Variants in DEAF1 observed in about 807,000 individuals in gnomAD.
The protein encoded by DEAF1 is deformed epidermal autoregulatory factor 1 homolog.
A neutral mutation model predicts 58.9 loss-of-function variants in DEAF1; 53 were observed. The observed-to-expected ratio is 0.90, with a 90% CI of 0.72 to 1.13. The LOEUF (loss-of-function observed/expected upper bound fraction) is 1.13, where lower values mean the gene tolerates loss of function less well. DEAF1 is among the 50% of genes most tolerant of loss of function. DEAF1 has a pLI of 0.00. For missense variants in DEAF1, 685 were observed against 791.4 expected (o/e 0.87, Z 1.61); for synonymous variants, 385 against 340.4 (o/e 1.13, Z -1.44).
At chr11:669,597 T>C (rs1032556288) in intron 10 of DEAF1, among the ~76,000 whole-genome samples, 7 of 148,738 alleles carry the variant, frequency 4.7e-5, no homozygotes, top group South Asian at 2.1e-4. Context: ...GATTGTGCCA[T>C]TGGATTCCAG....
At chr11:679,273 C>A (rs1326341261) in intron 8 of DEAF1, among the ~76,000 whole-genome samples, 3 of 151,538 alleles carry the variant, frequency 2.0e-5, no homozygotes, top group Non-Finnish European at 4.4e-5. Context: ...CGAGATCATG[C>A]CACTGCCCTC....
chr11:670,992 G>A (rs1859799985), intron 10 of DEAF1, among the ~76,000 whole-genome samples: 1 of 139,188 alleles, frequency 7.2e-6, no homozygotes, highest in African/African-American at 2.7e-5. Context: ...GCAGTGGCGC[G>A]ATCTCGGCTC....
rs1412962740 is a variant in DEAF1, at chr11:677,632, C to CATG, written c.1255+1059_1255+1061dup. Among the ~76,000 whole-genome samples, 2 of 106,452 alleles carry CATG rather than the reference C, an allele frequency of 1.9e-5. 1 individual carries two copies. The highest frequency in any genetic ancestry group is 4.4e-5 in the Non-Finnish European group (2 of 45,604). The allele number at this position is 106,452 out of a possible 152,430, so 69.8% of individuals were successfully genotyped here. The stretch of plus-strand genomic sequence containing the variant: ...ACCAGCAGGGGAGGGTTCAATCAAT[C>CATG]ATGTATTGATCATATGCACCCTTTA... On this transcript the variant is annotated intron_variant, in intron 9 of 11. Coordinates refer to ENST00000382409, the MANE Select transcript of DEAF1 (RefSeq NM_021008.4).
Position 688,804 on chromosome 11 carries a change from C to G in DEAF1, c.388-344G>C, listed in dbSNP as rs7123677. ...TCTTCATGCAGAGTTTCCAACAGACCGAGTTGGCCGCCACAGACAAGGCCT... is the reference window on the plus strand; with the variant it reads ...TCTTCATGCAGAGTTTCCAACAGACGGAGTTGGCCGCCACAGACAAGGCCT... On this transcript the variant is annotated intron_variant, in intron 2 of 11. Coordinates refer to ENST00000382409, the MANE Select transcript of DEAF1 (RefSeq NM_021008.4). The surrounding 1 kb of genome is among the most constrained non-coding windows in gnomAD (Gnocchi z 4.3). Among the ~76,000 whole-genome samples the G allele has an allele frequency of 3.9e-5, 6 of 152,050 alleles. No individual in the cohort carries two copies. The highest frequency in any genetic ancestry group is 5.9e-5 in the Non-Finnish European group (4 of 68,020).
intron 4 of DEAF1, 99 bp downstream of exon 4, chr11:687,812 T>C (rs2133405933): frequency 6.5e-7 from 1 of 1,534,264 alleles, no homozygotes; most frequent in South Asian, 1.1e-5. Flanking sequence ...TCTTAACTAG[T>C]TCTAGGTGCC....
At chr11:655,087 A>G (rs1392771687) in intron 10 of DEAF1, among the ~76,000 whole-genome samples, 2 of 149,538 alleles carry the variant, frequency 1.3e-5, no homozygotes, top group African/African-American at 5.1e-5. Flanking sequence ...ACAAAGGGAA[A>G]TCAGCATGGA....
upstream of DEAF1, among the ~76,000 whole-genome samples, chr11:696,629 G>A (rs971285252): frequency 1.8e-5 from 1 of 54,836 alleles, no homozygotes; most frequent in Admixed American, 2.2e-4. Context: ...TCAGCCAGGC[G>A]GTGGCGCACC....
chr11:656,659 A>G (rs1859068996), intron 10 of DEAF1, among the ~76,000 whole-genome samples: 1 of 152,158 alleles, frequency 6.6e-6, no homozygotes, highest in Non-Finnish European at 1.5e-5. Context: ...AGCGGCCCCC[A>G]CGCTGAGAAG....
rs908349407 is a variant in DEAF1 at position 678,739 on chromosome 11, C to A, written c.1210G>T (p.Ala404Ser). Residue 404 changes from alanine to serine, a missense_variant, in exon 9 of 12, where the codon GCA becomes TCA. This residue lies in a region of DEAF1 where 343 missense variants were observed against 379.8 expected (regional missense o/e 0.90). Coordinates refer to ENST00000382409, the MANE Select transcript of DEAF1 (RefSeq NM_021008.4). ...YPGYQDSCQI[A>S]PFPEAALPTS... ...GGCAACGCAGCTTCTGGAAACGGTG[C>A]GATCTGGCAGCTGTCCTGATAGCCG... 3 of 1,614,130 alleles carry A rather than the reference C, an allele frequency of 1.9e-6. No homozygotes were observed. Among genetic ancestry groups the A allele is most frequent in the Non-Finnish European group, 2.5e-6 (3 of 1,180,000 alleles).
At chr11:679,314 C>CAAA (rs35318035) in intron 8 of DEAF1, among the ~76,000 whole-genome samples, 2 of 142,818 alleles carry the variant, frequency 1.4e-5, no homozygotes. Flanking sequence ...GACTCCACCT[C>CAAA]AAAAAAAAAA....
chr11:705,380 A>C (rs1367530968), intron 1 of DEAF1: 1 of 154,470 alleles, frequency 6.5e-6, no homozygotes, highest in Non-Finnish European at 1.4e-5. Flanking sequence ...CGGTCACAGC[A>C]GCTGGGGAGA....
Position 647,000 on chromosome 11 carries a change from T to A in DEAF1, c.1594-2346A>T, listed in dbSNP as rs566154037. On this transcript the variant is annotated intron_variant, in intron 11 of 11. Coordinates refer to ENST00000382409, the MANE Select transcript of DEAF1 (RefSeq NM_021008.4). Reference sequence around the variant, plus strand: ...CCCTATCTCTATAAAAAAAAAAAAATGTTTTAAAATTAGCTGGGTGTGGTG... The same window carrying A: ...CCCTATCTCTATAAAAAAAAAAAAAAGTTTTAAAATTAGCTGGGTGTGGTG... Among the ~76,000 whole-genome samples, 6 of 149,390 alleles carry A rather than the reference T, an allele frequency of 4.0e-5. No homozygotes were observed. The South Asian group carries it at 6.3e-4, about 16-fold the overall frequency.
At chr11:649,166 G>A (rs1387662180) in intron 11 of DEAF1, among the ~76,000 whole-genome samples, 1 of 152,076 alleles carries the variant, frequency 6.6e-6, no homozygotes, top group East Asian at 1.9e-4. Flanking sequence ...CAGGAGAATC[G>A]CTTGAACCCG....
chr11:679,076 G>T (rs1470311553), intron 8 of DEAF1, among the ~76,000 whole-genome samples: 1 of 152,168 alleles, frequency 6.6e-6, no homozygotes, highest in Non-Finnish European at 1.5e-5. Flanking sequence ...ACTTTGGGAG[G>T]CCAAGATGGG....
At chr11:691,354 T>C in intron 2 of DEAF1, 147 bp downstream of exon 2, 1 of 754,382 alleles carries the variant, frequency 1.3e-6, no homozygotes, top group Non-Finnish European at 2.2e-6. Context: ...CGAAGGCCTC[T>C]GAGAGCAGAG....
intron 11 of DEAF1, chr11:646,276 T>TAAAAAAAAAAAAAAAAAAAAAAAAAA (rs1858493431): frequency 7.8e-6 from 1 of 128,202 alleles, no homozygotes; most frequent in African/African-American, 2.8e-5. Flanking sequence ...AAAAAAAAAT[T>TAAAAAAAAAAAAAAAAAAAAAAAAAA]AAAATTACCT....
At chr11:670,401 CTTTTTTTTT>C (rs56358451) in intron 10 of DEAF1, among the ~76,000 whole-genome samples, 2 of 143,800 alleles carry the variant, frequency 1.4e-5, no homozygotes, top group Non-Finnish European at 3.0e-5. Flanking sequence ...TGGAAGTATA[CTTTTTTTTT>C]TTTTTTTTTA....
intron 10 of DEAF1, among the ~76,000 whole-genome samples, chr11:665,494 T>C (rs900734593): frequency 6.6e-6 from 1 of 152,266 alleles, no homozygotes; most frequent in Non-Finnish European, 1.5e-5. Flanking sequence ...CTGCAACAGC[T>C]GCTTCCAGCT....
rs770777932 is a variant in DEAF1, at chr11:694,843, T to A, written c.205A>T (p.Met69Leu). The A allele has an allele frequency of 1.4e-6, 2 of 1,476,632 alleles. No individual in the cohort carries two copies. Among genetic ancestry groups the A allele is most frequent in the African/African-American group, 1.4e-5 (1 of 69,110 alleles). The allele number at this position is 1,476,632 out of a possible 1,614,324, so 91.5% of individuals were successfully genotyped here. A position where few individuals can be genotyped will look rare whatever the true frequency, so the allele number is the denominator to read the frequency against. Residue 69 changes from methionine to leucine, a missense_variant, in exon 1 of 12, where the codon ATG (methionine) becomes TTG (leucine). This residue lies in a region of DEAF1 where 210 missense variants were observed against 177.3 expected (regional missense o/e 1.18). Coordinates refer to ENST00000382409, the MANE Select transcript of DEAF1 (RefSeq NM_021008.4). Reference sequence around the variant, plus strand: ...TCCATGTGCCCGGGCTCCGCCGCCATCACCGCCACTGCCGTGACCCGCGGC... The same window carrying A: ...TCCATGTGCCCGGGCTCCGCCGCCAACACCGCCACTGCCGTGACCCGCGGC... ...ETPRVTAVAV[M>L]AAEPGHMDMG...
Sources: gnomAD v4.1 joint callset for allele counts (sites outside exome capture counted in the v4.1 genomes callset) on GRCh38, gnomAD v4.1.1 for gene constraint, gnomAD v4.1.1 regional missense constraint, Gnocchi (gnomAD v3.1) non-coding constraint, MANE v1.5 for transcripts, NCBI Gene and HGNC (gene_info 2026-07-23, HGNC 2026-07-21) for gene names.